The following LRRK1 variants were observed in gnomAD, a reference collection of about 807,000 sequenced individuals.
LRRK1 encodes the protein leucine-rich repeat serine/threonine-protein kinase 1.
A neutral mutation model predicts 209.1 loss-of-function variants in LRRK1; 113 were observed. The ratio of observed to expected loss-of-function variants is 0.54; its 90% confidence interval spans 0.46 to 0.63. The LOEUF (loss-of-function observed/expected upper bound fraction) is 0.63, where lower values mean the gene tolerates loss of function less well. Ranked by LOEUF, LRRK1 falls within the 30% of genes least tolerant of loss-of-function variation. The probability of loss-of-function intolerance (pLI) is 0.00; values close to 1 mark genes in which losing one functional copy is unlikely to be tolerated. For synonymous variants in LRRK1, 1,144 were observed against 1,099.7 expected, an observed-to-expected ratio of 1.04 and a Z score of -0.80; for missense variants, 2,284 against 2,632.2, an observed-to-expected ratio of 0.87 and a Z score of 2.89.
intron 6 of LRRK1, among the ~76,000 whole-genome samples, chr15:100,990,481 TTC>T (rs1285009312): frequency 3.3e-5 from 5 of 152,112 alleles, no homozygotes; most frequent in Non-Finnish European, 7.4e-5. Flanking sequence ...ATAGGTGGGA[TTC>T]TCTGTCTCCA....
intron 15 of LRRK1, among the ~76,000 whole-genome samples, chr15:101,023,327 CA>C (rs1436938395): frequency 1.3e-5 from 2 of 151,984 alleles, no homozygotes; most frequent in South Asian, 2.1e-4. Context: ...AGACTCCATT[CA>C]AAAAAAATTT....
chr15:101,058,170 T>G, intron 29 of LRRK1, 29 bp downstream of exon 29: 1 of 1,608,464 alleles, frequency 6.2e-7, no homozygotes, highest in Non-Finnish European at 8.5e-7. Flanking sequence ...CCCTGCCCCC[T>G]TTGTATTTGG....
At position 101,034,308 on chromosome 15, in the gene LRRK1, T is replaced by C. The variant is rs555074666; in HGVS notation, c.2963+5076T>C. 8.5e-5 allele frequency among the ~76,000 whole-genome samples: 13 copies of C among 152,300 alleles called. No homozygotes were observed. The East Asian group carries it at 2.1e-3, about 25-fold the overall frequency. On this transcript the variant is annotated intron_variant, in intron 20 of 33. Coordinates refer to ENST00000388948, the MANE Select transcript of LRRK1 (RefSeq NM_024652.6). ...GTTTTAGTTGTTTGTGTTTTCGAGG[T>C]CTTAGCCATAAAACCTTTGCCTAGA...
intron 29 of LRRK1, among the ~76,000 whole-genome samples, chr15:101,060,303 T>G (rs1213858098): frequency 1.3e-5 from 2 of 152,100 alleles, no homozygotes; most frequent in Non-Finnish European, 2.9e-5. Context: ...ACAGGGGCAA[T>G]TATTCTTTAT....
chr15:101,061,309 T>A (rs1444107333), intron 30 of LRRK1, 21 bp downstream of exon 30: 2 of 1,568,314 alleles, frequency 1.3e-6, no homozygotes, highest in South Asian at 2.2e-5. Context: ...CCCGCAGGCC[T>A]GCCCACCGAG....
chr15:101,065,196 C>A (rs2036458332), intron 31 of LRRK1, 156 bp from the exon 32 acceptor site: 1 of 761,142 alleles, frequency 1.3e-6, no homozygotes, highest in Non-Finnish European at 2.1e-6. Context: ...TTAGGAGTAG[C>A]CCCGGCCTTT....
chr15:101,012,891 G>A (rs1200412208), intron 10 of LRRK1, among the ~76,000 whole-genome samples: 3 of 150,742 alleles, frequency 2.0e-5, no homozygotes, highest in Non-Finnish European at 3.0e-5. Context: ...GAGCCACGCG[G>A]GGTGCCCCCG....
chr15:101,057,092 A>T, intron 28 of LRRK1, 42 bp downstream of exon 28: 1 of 1,516,832 alleles, frequency 6.6e-7, no homozygotes, highest in Non-Finnish European at 8.9e-7. Context: ...ACCTCCTGCC[A>T]TGTGAGGAAG....
In LRRK1 at chr15:101,069,175, A is replaced by T. The variant is rs2036689606; in HGVS notation, c.*327A>T. ...AGCAGGGGTGCAGGATCCTGTTCTG[A>T]GCTGGGTCAAACAAAGCAGGGCCGG... On this transcript the variant is annotated 3_prime_UTR_variant, in exon 34 of 34. Coordinates refer to ENST00000388948, the MANE Select transcript of LRRK1 (RefSeq NM_024652.6). 2 of 206,012 alleles carry T rather than the reference A, an allele frequency of 9.7e-6. No individual in the cohort carries two copies. Among genetic ancestry groups the T allele is most frequent in the Non-Finnish European group, 1.9e-5 (2 of 102,780 alleles). The allele number at this position is 206,012 out of a possible 1,614,324, so 12.8% of individuals were successfully genotyped here. A position where few individuals can be genotyped will look rare whatever the true frequency, so the allele number is the denominator to read the frequency against.
intron 7 of LRRK1, among the ~76,000 whole-genome samples, chr15:101,010,082 G>A (rs762355880): frequency 1.3e-5 from 2 of 152,198 alleles, no homozygotes; most frequent in East Asian, 1.9e-4. Context: ...AGCAAGTGCC[G>A]TCCAAGTGAG....
intron 17 of LRRK1, among the ~76,000 whole-genome samples, chr15:101,026,545 A>T (rs1476739884): frequency 6.6e-6 from 1 of 152,202 alleles, no homozygotes; most frequent in Non-Finnish European, 1.5e-5. Flanking sequence ...GCAGCCTTTG[A>T]GTCACAGAGG....
intron 6 of LRRK1, among the ~76,000 whole-genome samples, chr15:100,989,860 G>A (rs2032062140): frequency 6.6e-6 from 1 of 151,466 alleles, no homozygotes; most frequent in African/African-American, 2.4e-5. Flanking sequence ...GTTTTTTTTG[G>A]TTGTTTTTTT....
intron 20 of LRRK1, among the ~76,000 whole-genome samples, chr15:101,037,031 G>T (rs1451717671): frequency 1.3e-5 from 2 of 152,186 alleles, no homozygotes; most frequent in East Asian, 3.8e-4. Flanking sequence ...CCCCAGGGTG[G>T]TATACACTGG....
intron 28 of LRRK1, among the ~76,000 whole-genome samples, chr15:101,057,475 T>C (rs1596339069): frequency 6.6e-6 from 1 of 152,170 alleles, no homozygotes; most frequent in South Asian, 2.1e-4. Flanking sequence ...AGGCTAGTGG[T>C]TTCAAAGTTA....
At chr15:101,068,579 C>A in intron 33 of LRRK1, 92 bp from the exon 34 acceptor site, 2 of 1,371,152 alleles carry the variant, frequency 1.5e-6, no homozygotes, top group Non-Finnish European at 2.0e-6. Context: ...CCTTAGCCAG[C>A]TCCGCCTTCC....
At position 101,066,038 on chromosome 15, in the gene LRRK1, C is replaced by T; in HGVS notation, c.5601C>T (p.Ser1867=). ...TCCCCAGCTCCCCAGCAAGTTCTTC[C>T]AGTGTGCCTTTCTCCACCGACTGCG... ...SSLPSSPASS[S]SVPFSTDCED... Residue 1867 remains serine (S), a synonymous_variant, in exon 32 of 34, where the codon TCC becomes TCT. Transcript: ENST00000388948. 2 of 1,614,180 alleles carry T rather than the reference C, an allele frequency of 1.2e-6. No homozygotes were observed. Among genetic ancestry groups the T allele is most frequent in the African/African-American group, 1.3e-5 (1 of 75,066 alleles).
chr15:100,955,750 T>C (rs1306610414), intron 2 of LRRK1, among the ~76,000 whole-genome samples: 1 of 152,228 alleles, frequency 6.6e-6, no homozygotes, highest in African/African-American at 2.4e-5. Context: ...GTTCATTATA[T>C]GATTTTTATC....
intron 2 of LRRK1, among the ~76,000 whole-genome samples, chr15:100,939,225 A>T (rs1190318149): frequency 1.3e-5 from 2 of 152,172 alleles, no homozygotes; most frequent in Non-Finnish European, 2.9e-5. Flanking sequence ...GGGACATGGG[A>T]CAGTACAGTT....
In LRRK1 at chr15:100,962,818, T is replaced by TACACATATATATATATATAC. The variant is rs1596204775; in HGVS notation, c.98-10985_98-10984insCACATATATATATATATACA. ...GCATATATATATATATATATATATA[T>TACACATATATATATATATAC]ATATATTTTTTTTTTTTTTTTTGAG... On this transcript the variant is annotated intron_variant, in intron 2 of 33. Coordinates refer to ENST00000388948, the MANE Select transcript of LRRK1 (RefSeq NM_024652.6). Among the ~76,000 whole-genome samples, 39 of 33,280 alleles carry TACACATATATATATATATAC rather than the reference T, an allele frequency of 1.2e-3. 2 individuals carry two copies. Among genetic ancestry groups the TACACATATATATATATATAC allele is most frequent in the South Asian group, 7.8e-3 (7 of 896 alleles). The allele number at this position is 33,280 out of a possible 152,430, so 21.8% of individuals were successfully genotyped here.
Sources: allele counts gnomAD v4.1 joint callset (sites outside exome capture counted in the v4.1 genomes callset), GRCh38; gene constraint gnomAD v4.1.1; transcripts MANE v1.5; gene names NCBI Gene and HGNC (gene_info 2026-07-23, HGNC 2026-07-21).